The following GRID2 variants were observed in gnomAD, a reference collection of about 807,000 sequenced individuals.
GRID2 encodes the protein glutamate receptor ionotropic, delta-2.
GRID2 carries 33 observed loss-of-function variants against 114.8 expected under a neutral mutation model. That is an observed-to-expected ratio of 0.29 (90% confidence interval 0.22 to 0.38). GRID2 has a LOEUF of 0.38. GRID2 is among the 10% of genes least tolerant of loss of function. GRID2 has a pLI of 1.00. For synonymous variants in GRID2, 505 were observed against 449.9 expected (o/e 1.12, Z -1.55); for missense variants, 1,184 against 1,257.7 (o/e 0.94, Z 0.89).
chr4:92,312,005 A>T (rs559718363), intron 1 of GRID2, among the ~76,000 whole-genome samples: 1 of 152,110 alleles, frequency 6.6e-6, no homozygotes, highest in Admixed American at 6.6e-5. Context: ...GTATGTTTTC[A>T]TTGGAACAGA....
chr4:92,660,199 G>T (rs1276761722), intron 2 of GRID2, among the ~76,000 whole-genome samples: 2 of 151,278 alleles, frequency 1.3e-5, no homozygotes, highest in African/African-American at 4.8e-5. Context: ...GTTGGGCCAA[G>T]ATTTCAAAAG....
At chr4:93,103,356 G>A (rs893393869) in intron 3 of GRID2, among the ~76,000 whole-genome samples, 1 of 151,984 alleles carries the variant, frequency 6.6e-6, no homozygotes, top group Non-Finnish European at 1.5e-5. Flanking sequence ...CTCTACCCCA[G>A]AGTCGGCTTC....
chr4:93,733,878 C>T (rs1730700262), intron 14 of GRID2, among the ~76,000 whole-genome samples: 2 of 151,944 alleles, frequency 1.3e-5, no homozygotes, highest in South Asian at 2.1e-4. Flanking sequence ...GTAGGAATGC[C>T]CCAGGCCACA....
chr4:92,357,834 C>T (rs941115951), intron 1 of GRID2, among the ~76,000 whole-genome samples: 6 of 151,658 alleles, frequency 4.0e-5, no homozygotes, highest in Admixed American at 4.0e-4. Context: ...TTGAACAAGT[C>T]ATTAAAACAG....
At chr4:92,813,648 A>T (rs1370201732) in intron 2 of GRID2, among the ~76,000 whole-genome samples, 1 of 152,096 alleles carries the variant, frequency 6.6e-6, no homozygotes, top group Non-Finnish European at 1.5e-5. Flanking sequence ...TTCAGTACAG[A>T]CACACGCACG....
chr4:92,820,195 C>T (rs904588948), intron 2 of GRID2, among the ~76,000 whole-genome samples: 13 of 152,130 alleles, frequency 8.5e-5, no homozygotes, highest in Admixed American at 2.6e-4. Context: ...AGGGCTATGA[C>T]AAGAATCCTT....
intron 2 of GRID2, among the ~76,000 whole-genome samples, chr4:92,981,966 A>C (rs1754239193): frequency 6.6e-6 from 1 of 150,596 alleles, no homozygotes; most frequent in Non-Finnish European, 1.5e-5. Context: ...GACATATGGG[A>C]AATTTAGTTT....
intron 2 of GRID2, among the ~76,000 whole-genome samples, chr4:92,712,464 C>T (rs1218204945): frequency 6.6e-6 from 1 of 152,042 alleles, no homozygotes; most frequent in Admixed American, 6.6e-5. Flanking sequence ...AGCAACACTC[C>T]AAGTTGCTAT....
In GRID2 at chr4:92,456,295, T is replaced by G. The variant is rs183157419; in HGVS notation, c.89-133836T>G. On this transcript the variant is annotated intron_variant, in intron 1 of 15. Coordinates refer to ENST00000282020, the MANE Select transcript of GRID2 (RefSeq NM_001510.4). ...TAGGAACTAAATTTTCTTCCATTAT[T>G]CCTTTAGGATCTTGTGGCTCTAGTA... is the stretch of plus-strand genomic sequence containing the variant. Among the ~76,000 whole-genome samples the G allele has an allele frequency of 4.4e-3, 664 of 152,242 alleles. 2 individuals are homozygous for G. The highest frequency in any genetic ancestry group is 0.017 in the Middle Eastern group (5 of 294).
chr4:93,532,029 GTTTGAA>G (rs1731499077), intron 13 of GRID2, among the ~76,000 whole-genome samples: 1 of 152,088 alleles, frequency 6.6e-6, no homozygotes, highest in African/African-American at 2.4e-5. Context: ...TAAAAAAGGA[GTTTGAA>G]TCTGAAATTC....
At chr4:93,769,143 G>A in intron 14 of GRID2, 67 bp from the exon 15 acceptor site, 1 of 1,504,976 alleles carries the variant, frequency 6.6e-7, no homozygotes, top group South Asian at 1.2e-5. Flanking sequence ...GATTATAAAT[G>A]GATGTGTTGT....
At chr4:92,996,528 C>T (rs1755209539) in intron 2 of GRID2, among the ~76,000 whole-genome samples, 2 of 152,120 alleles carry the variant, frequency 1.3e-5, no homozygotes, top group Admixed American at 6.5e-5. Context: ...TCAACCTTAA[C>T]ACTACAGTGT....
chr4:93,212,562 A>T (rs1353057032), intron 5 of GRID2, among the ~76,000 whole-genome samples: 2 of 152,148 alleles, frequency 1.3e-5, no homozygotes, highest in African/African-American at 4.8e-5. Flanking sequence ...AAAGTTAGAA[A>T]TTCAGATAGG....
intron 8 of GRID2, chr4:93,282,261 T>A (rs1202737413): frequency 1.3e-5 from 4 of 313,692 alleles, no homozygotes; most frequent in Admixed American, 8.6e-5. Flanking sequence ...TTTGTGTAAG[T>A]CTTATCTCAG....
At chr4:93,130,711 G>A (rs1209560078) in intron 4 of GRID2, among the ~76,000 whole-genome samples, 1 of 152,058 alleles carries the variant, frequency 6.6e-6, no homozygotes. Flanking sequence ...AACTTCATGA[G>A]GTCGAGCTCT....
chr4:92,683,661 ATTATT>A lies in GRID2; in HGVS notation c.244+93380_244+93384del, dbSNP rs374001683. Among the ~76,000 whole-genome samples the A allele has an allele frequency of 5.7e-4, 86 of 151,936 alleles. 1 individual carries two copies. The highest frequency in any genetic ancestry group is 9.7e-4 in the Non-Finnish European group (66 of 67,918). On this transcript the variant is annotated intron_variant, in intron 2 of 15. Coordinates refer to ENST00000282020, the MANE Select transcript of GRID2 (RefSeq NM_001510.4). ...TTATCTTTAGTTTTTGTATATTTAA[ATTATT>A]TTATATTAAAAAAATACATCAAAGC... is the stretch of plus-strand genomic sequence containing the variant.
At chr4:93,674,603 G>A (rs922022870) in intron 14 of GRID2, among the ~76,000 whole-genome samples, 6 of 149,954 alleles carry the variant, frequency 4.0e-5, no homozygotes, top group African/African-American at 1.5e-4. Flanking sequence ...GACCTTTTGA[G>A]GCATAACGGT....
intron 4 of GRID2, among the ~76,000 whole-genome samples, chr4:93,206,299 A>G (rs1742767831): frequency 6.6e-6 from 1 of 151,936 alleles, no homozygotes; most frequent in African/African-American, 2.4e-5. Flanking sequence ...TATATTTCCA[A>G]TTTTATTTTT....
At chr4:93,420,058 G>A (rs556582972) in intron 9 of GRID2, among the ~76,000 whole-genome samples, 36 of 151,940 alleles carry the variant, frequency 2.4e-4, no homozygotes, top group Middle Eastern at 6.8e-3. Context: ...TGGTTTTGCA[G>A]GTCCTGAAAA....
Sources: allele counts gnomAD v4.1 joint callset (sites outside exome capture counted in the v4.1 genomes callset), GRCh38; gene constraint gnomAD v4.1.1; transcripts MANE v1.5; gene names NCBI Gene and HGNC (gene_info 2026-07-23, HGNC 2026-07-21).